RAB35: variants seen among roughly 807,000 people sequenced by gnomAD.
RAB35 encodes ras-related protein Rab-35.
Under a neutral mutation model 28.9 loss-of-function variants are expected in RAB35, and 4 were observed. The observed-to-expected ratio is 0.14, with a 90% CI of 0.07 to 0.32. The LOEUF is 0.32. Among genes scored for constraint, RAB35 ranks in the 10% least tolerant of loss-of-function variants. RAB35 has a pLI of 1.00. For synonymous variants in RAB35, 99 were observed against 105.1 expected, an observed-to-expected ratio of 0.94 and a Z score of 0.35; for missense variants, 128 against 274.0, an observed-to-expected ratio of 0.47 and a Z score of 3.76.
chr12:120,105,663 C>A (rs1231191691), intron 2 of RAB35, among the ~76,000 whole-genome samples: 2 of 151,746 alleles, frequency 1.3e-5, no homozygotes, highest in East Asian at 3.9e-4. Flanking sequence ...CTGGCTCACG[C>A]CTGTAATCCC....
intron 1 of RAB35, among the ~76,000 whole-genome samples, chr12:120,111,252 T>G (rs1876106134): frequency 6.6e-6 from 1 of 152,146 alleles, no homozygotes; most frequent in African/African-American, 2.4e-5. Flanking sequence ...GGCAGCAGAA[T>G]CCTTTTCTTC....
intron 2 of RAB35, among the ~76,000 whole-genome samples, chr12:120,105,616 C>G (rs1159105507): frequency 1.3e-5 from 2 of 152,060 alleles, no homozygotes; most frequent in African/African-American, 4.8e-5. Context: ...CGCAGGATAG[C>G]CCCACAACAA....
At chr12:120,112,775 A>G (rs1876172475) in intron 1 of RAB35, among the ~76,000 whole-genome samples, 2 of 146,656 alleles carry the variant, frequency 1.4e-5, no homozygotes, top group Non-Finnish European at 3.0e-5. Context: ...CCCAGGCTGG[A>G]GTGCAGTTGT....
Position 120,096,369 on chromosome 12 carries a change from T to A in RAB35, c.*876A>T. On this transcript the variant is annotated 3_prime_UTR_variant, in exon 6 of 6. Coordinates refer to ENST00000229340, the MANE Select transcript of RAB35 (RefSeq NM_006861.7). ...TCAAACCTCAGGGAAAGAAAATAAT[T>A]GTGAGGAATTTAATTCACTTGATTT... 1 of 1,211,108 alleles carries A rather than the reference T, an allele frequency of 8.3e-7. No homozygotes were observed. The highest frequency in any genetic ancestry group is 1.1e-6 in the Non-Finnish European group (1 of 937,314). 75.0% of individuals were successfully genotyped at this position (1,211,108 alleles called of 1,614,324 possible). A position where few individuals can be genotyped will look rare whatever the true frequency, so the allele number is the denominator to read the frequency against.
rs775464628 is a variant in RAB35, at chr12:120,098,776, G to C, written c.477+35C>G. On this transcript the variant is annotated intron_variant, in intron 5 of 5. Transcript: ENST00000229340. ...AGCAGCATGGAGAAGGCGGCCACGG[G>C]TGTGTGGCAGAGCCACAGTGGCCCA... 5 of 1,612,822 alleles carry C rather than the reference G, an allele frequency of 3.1e-6. No homozygotes were observed. The Admixed American group carries it at 8.3e-5, about 27-fold the overall frequency.
At chr12:120,101,084 G>A (rs1159023819) in intron 3 of RAB35, among the ~76,000 whole-genome samples, 3 of 152,230 alleles carry the variant, frequency 2.0e-5, no homozygotes, top group Non-Finnish European at 4.4e-5. Context: ...TGAGAGCAGA[G>A]AATTTGTCTG....
rs1875757762 is a variant in RAB35, at chr12:120,103,819, G to T, written c.227+7C>A. ...CGGGTTGGGTGGGAGTGGGCGTGTG[G>T]ACTCACGTGGAGGTGATGGTGCGGA... On this transcript the variant is annotated splice_region_variant and intron_variant, in intron 3 of 5. Transcript: ENST00000229340. The surrounding 1 kb of genome is among the most constrained non-coding windows in gnomAD (Gnocchi z 6.1). 6.2e-7 allele frequency: 1 copy of T among 1,613,596 alleles called. No individual in the cohort carries two copies. The highest frequency in any genetic ancestry group is 1.3e-5 in the African/African-American group (1 of 74,900).
At chr12:120,108,013 G>A (rs952673487) in intron 2 of RAB35, among the ~76,000 whole-genome samples, 7 of 151,808 alleles carry the variant, frequency 4.6e-5, no homozygotes, top group African/African-American at 7.3e-5. Context: ...AAAGCCCACC[G>A]CACTCAGATG....
At chr12:120,098,977 G>A (rs2139048216) in intron 4 of RAB35, 42 bp from the exon 5 acceptor site, 1 of 1,613,986 alleles carries the variant, frequency 6.2e-7, no homozygotes, top group African/African-American at 1.3e-5. Context: ...GAGGGGCGCA[G>A]CCGGCTGCCT....
At chr12:120,116,116 G>A (rs1230036780) in intron 1 of RAB35, among the ~76,000 whole-genome samples, 1 of 152,168 alleles carries the variant, frequency 6.6e-6, no homozygotes, top group Non-Finnish European at 1.5e-5. Context: ...TGATGATAAT[G>A]ACAATAGTGA....
At chr12:120,115,161 A>C (rs1594248706) in intron 1 of RAB35, among the ~76,000 whole-genome samples, 2 of 146,308 alleles carry the variant, frequency 1.4e-5, no homozygotes, top group African/African-American at 2.5e-5. Flanking sequence ...TTTCCCCCTT[A>C]CCTCTCCCCT....
chr12:120,114,589 T>C (rs1033974838), intron 1 of RAB35, among the ~76,000 whole-genome samples: 6 of 152,200 alleles, frequency 3.9e-5, no homozygotes, highest in Non-Finnish European at 7.3e-5. Context: ...GCTTTGAGGA[T>C]CTCAATGTCG....
chr12:120,098,551 G>C (rs1167899716), intron 5 of RAB35, among the ~76,000 whole-genome samples: 1 of 152,250 alleles, frequency 6.6e-6, no homozygotes, highest in East Asian at 1.9e-4. Flanking sequence ...TCTCTTACTA[G>C]CCAGGTGGTG....
chr12:120,111,644 G>A (rs538011547), intron 1 of RAB35, among the ~76,000 whole-genome samples: 19 of 151,424 alleles, frequency 1.3e-4, no homozygotes, highest in Admixed American at 9.9e-4. Flanking sequence ...TCGTGTCACT[G>A]CACTCCAGCC....
chr12:120,109,719 G>GTC (rs1329758533), intron 1 of RAB35, among the ~76,000 whole-genome samples: 2 of 147,410 alleles, frequency 1.4e-5, no homozygotes, highest in Non-Finnish European at 3.0e-5. Flanking sequence ...GCCCAAGTTG[G>GTC]TCTCAAACTT....
In RAB35 at chr12:120,107,108, C is replaced by T. The variant is rs953335705; in HGVS notation, c.103+1309G>A. Among the ~76,000 whole-genome samples, 7 of 152,108 alleles carry T rather than the reference C, an allele frequency of 4.6e-5. 1 individual carries two copies. Among genetic ancestry groups the T allele is most frequent in the Admixed American group, 3.9e-4 (6 of 15,268 alleles). The stretch of plus-strand genomic sequence containing the variant: ...GATTCAAGCAACTCTCCTGCCTCAG[C>T]CTCCCCAGTCGCTAGGATTATAGGT... On this transcript the variant is annotated intron_variant, in intron 2 of 5. Coordinates refer to ENST00000229340, the MANE Select transcript of RAB35 (RefSeq NM_006861.7).
intron 2 of RAB35, among the ~76,000 whole-genome samples, chr12:120,107,217 G>A: frequency 6.6e-6 from 1 of 151,510 alleles, no homozygotes; most frequent in Non-Finnish European, 1.5e-5. Context: ...TCGAACTCCT[G>A]ACCTCATGAT....
intron 2 of RAB35, among the ~76,000 whole-genome samples, chr12:120,104,264 G>A (rs1875779717): frequency 6.6e-6 from 1 of 152,132 alleles, no homozygotes; most frequent in South Asian, 2.1e-4. Flanking sequence ...TGGCTAGATG[G>A]GGACACACCA....
Position 120,103,445 on chromosome 12 carries a change from G to A in RAB35, c.227+381C>T, listed in dbSNP as rs1432284075. On this transcript the variant is annotated intron_variant, in intron 3 of 5. Transcript: ENST00000229340. This position sits in a 1 kb window ranked among gnomAD's most constrained non-coding sequence, Gnocchi z 6.1. ...AGCTGCCATAACTGACACCTACCAA[G>A]AGGAATTGTCAGCGACTAAGTCCTG... Among the ~76,000 whole-genome samples the A allele has an allele frequency of 1.3e-5, 2 of 152,364 alleles. No homozygotes were observed. The highest frequency in any genetic ancestry group is 2.1e-4 in the South Asian group (1 of 4,834).
Sources: gnomAD v4.1 joint callset for allele counts (sites outside exome capture counted in the v4.1 genomes callset) on GRCh38, gnomAD v4.1.1 for gene constraint, Gnocchi (gnomAD v3.1) non-coding constraint, MANE v1.5 for transcripts, NCBI Gene and HGNC (gene_info 2026-07-23, HGNC 2026-07-21) for gene names.